TEK: variants seen among roughly 807,000 people sequenced by gnomAD.
TEK encodes angiopoietin-1 receptor.
A neutral mutation model predicts 131.8 loss-of-function variants in TEK; 43 were observed. The observed-to-expected ratio is 0.33, with a 90% CI of 0.26 to 0.42. The LOEUF is 0.42. Among genes scored for constraint, TEK ranks in the 10% least tolerant of loss-of-function variants. TEK has a pLI of 1.00. For missense variants in TEK, 1,162 were observed against 1,384.4 expected (o/e 0.84, Z 2.55); for synonymous variants, 580 against 491.6 (o/e 1.18, Z -2.38).
chr9:27,208,682 C>G (rs1825490454), intron 15 of TEK, among the ~76,000 whole-genome samples: 1 of 152,202 alleles, frequency 6.6e-6, no homozygotes, highest in Non-Finnish European at 1.5e-5. Context: ...CCTCAGTTGT[C>G]TCTGGATGGT....
intron 2 of TEK, among the ~76,000 whole-genome samples, chr9:27,163,704 C>G (rs565810750): frequency 6.6e-6 from 1 of 152,288 alleles, no homozygotes; most frequent in East Asian, 1.9e-4. Flanking sequence ...GGGACTTAGT[C>G]TTCCTTAACT....
intron 21 of TEK, among the ~76,000 whole-genome samples, chr9:27,225,653 A>C (rs916592624): frequency 1.3e-5 from 2 of 152,212 alleles, no homozygotes; most frequent in African/African-American, 4.8e-5. Flanking sequence ...AACCTGGGCA[A>C]TACCATTCAG....
At chr9:27,143,310 A>G (rs1166976007) in intron 1 of TEK, among the ~76,000 whole-genome samples, 1 of 152,130 alleles carries the variant, frequency 6.6e-6, no homozygotes, top group African/African-American at 2.4e-5. Flanking sequence ...TAGCCTGACC[A>G]CACTGTCCTT....
intron 1 of TEK, among the ~76,000 whole-genome samples, chr9:27,150,242 G>A (rs1284124000): frequency 6.6e-6 from 1 of 152,134 alleles, no homozygotes; most frequent in Non-Finnish European, 1.5e-5. Flanking sequence ...CTTGAGGGCT[G>A]GCTCTACCAC....
In TEK at chr9:27,206,810, T is replaced by TA. The variant is rs1825415376; in HGVS notation, c.2575+19dup. 6.2e-7 allele frequency: 1 copy of TA among 1,612,018 alleles called. No homozygotes were observed. Among genetic ancestry groups the TA allele is most frequent in the Non-Finnish European group, 8.5e-7 (1 of 1,179,164 alleles). ...AATGAAAGGTCAGTGGTTGACCAGA[T>TA]AGAGTCAGCATTGCGTGAGGGTGTG... is the stretch of plus-strand genomic sequence containing the variant. On this transcript the variant is annotated intron_variant, in intron 15 of 22. Transcript: ENST00000380036.
intron 2 of TEK, among the ~76,000 whole-genome samples, chr9:27,166,032 C>G (rs980760193): frequency 3.9e-5 from 6 of 152,268 alleles, no homozygotes; most frequent in Admixed American, 3.9e-4. Flanking sequence ...TCTCAAACCA[C>G]CATCTGAAAG....
At chr9:27,160,907 CAT>C (rs910784013) in intron 2 of TEK, among the ~76,000 whole-genome samples, 124 of 152,302 alleles carry the variant, frequency 8.1e-4, no homozygotes, top group African/African-American at 2.8e-3. Context: ...TTATTTTTCA[CAT>C]GTGTCATTTT....
intron 9 of TEK, among the ~76,000 whole-genome samples, chr9:27,189,632 T>A (rs1824732079): frequency 6.6e-6 from 1 of 152,030 alleles, no homozygotes; most frequent in Non-Finnish European, 1.5e-5. Flanking sequence ...CAGAGAAGGA[T>A]CAGAGAGGCC....
intron 12 of TEK, among the ~76,000 whole-genome samples, chr9:27,200,140 G>A (rs538830890): frequency 6.6e-6 from 1 of 152,218 alleles, no homozygotes; most frequent in South Asian, 2.1e-4. Context: ...GATGATTTCT[G>A]TATCATATGC....
intron 6 of TEK, among the ~76,000 whole-genome samples, chr9:27,177,142 G>A (rs746193331): frequency 1.3e-5 from 2 of 152,158 alleles, no homozygotes; most frequent in African/African-American, 2.4e-5. Flanking sequence ...AAGCAATGCT[G>A]CAATGGACAT....
intron 10 of TEK, 48 bp from the exon 11 acceptor site, chr9:27,192,441 A>G: frequency 6.2e-7 from 1 of 1,611,078 alleles, no homozygotes; most frequent in Non-Finnish European, 8.5e-7. Context: ...GGCTTAAGGA[A>G]TGTAAGAGAA....
intron 1 of TEK, among the ~76,000 whole-genome samples, chr9:27,132,107 A>T (rs574258884): frequency 6.7e-4 from 87 of 130,764 alleles, no homozygotes; most frequent in Middle Eastern, 8.3e-3. Context: ...TTTTTTCTTG[A>T]GACGGAGTCT....
intron 1 of TEK, among the ~76,000 whole-genome samples, chr9:27,155,724 G>A (rs1408517194): frequency 6.6e-6 from 1 of 151,396 alleles, no homozygotes; most frequent in Admixed American, 6.6e-5. Context: ...AAATTGTAAT[G>A]TTTTTTTCCC....
intron 1 of TEK, among the ~76,000 whole-genome samples, chr9:27,141,248 A>C (rs1822712506): frequency 6.6e-6 from 1 of 151,294 alleles, no homozygotes; most frequent in South Asian, 2.1e-4. Flanking sequence ...TCTTTTGCTT[A>C]TTTGGCTTAT....
At chr9:27,118,859 A>C (rs564285596) in intron 1 of TEK, among the ~76,000 whole-genome samples, 9 of 152,262 alleles carry the variant, frequency 5.9e-5, no homozygotes, top group African/African-American at 2.2e-4. Flanking sequence ...GAGCACTTTG[A>C]AAGCAAAAGC....
intron 8 of TEK, among the ~76,000 whole-genome samples, chr9:27,184,133 C>T (rs574786310): frequency 1.3e-5 from 2 of 152,302 alleles, no homozygotes; most frequent in South Asian, 4.1e-4. Context: ...TCTGAAACTA[C>T]AATCCACGGG....
At chr9:27,163,241 C>T (rs1443757956) in intron 2 of TEK, among the ~76,000 whole-genome samples, 2 of 152,028 alleles carry the variant, frequency 1.3e-5, no homozygotes, top group Non-Finnish European at 2.9e-5. Flanking sequence ...AAGTCAGGCC[C>T]GATTCTAGAA....
At chr9:27,121,133 C>A (rs1034462299) in intron 1 of TEK, among the ~76,000 whole-genome samples, 2 of 152,022 alleles carry the variant, frequency 1.3e-5, no homozygotes, top group African/African-American at 4.8e-5. Context: ...ACCAGCCTGA[C>A]CAACATGGCG....
chr9:27,201,795 A>T (rs2131205153), intron 12 of TEK, among the ~76,000 whole-genome samples: 1 of 152,328 alleles, frequency 6.6e-6, no homozygotes, highest in East Asian at 1.9e-4. Flanking sequence ...GGTGTATGGA[A>T]TGAAACAGCC....
Sources: allele counts gnomAD v4.1 joint callset (sites outside exome capture counted in the v4.1 genomes callset), GRCh38; gene constraint gnomAD v4.1.1; transcripts MANE v1.5; gene names NCBI Gene and HGNC (gene_info 2026-07-23, HGNC 2026-07-21).